TMEM38B: variants seen among roughly 807,000 people sequenced by gnomAD.
TMEM38B encodes the protein trimeric intracellular cation channel type B.
TMEM38B carries 24 observed loss-of-function variants against 28.7 expected under a neutral mutation model. The observed-to-expected ratio is 0.84, with a 90% CI of 0.61 to 1.18. The LOEUF (loss-of-function observed/expected upper bound fraction) is 1.18, where lower values mean the gene tolerates loss of function less well. Ranked by LOEUF, TMEM38B falls within the 50% of genes most tolerant of loss-of-function variation. The probability of loss-of-function intolerance (pLI) is 0.00; values close to 1 mark genes in which losing one functional copy is unlikely to be tolerated. For missense variants in TMEM38B, 380 were observed against 350.9 expected, an observed-to-expected ratio of 1.08 and a Z score of -0.66; for synonymous variants, 131 against 127.7, an observed-to-expected ratio of 1.03 and a Z score of -0.17.
intron 5 of TMEM38B, among the ~76,000 whole-genome samples, chr9:105,753,231 G>A (rs1267548364): frequency 6.6e-6 from 1 of 152,142 alleles, no homozygotes; most frequent in African/African-American, 2.4e-5. Context: ...GAACCAAGTT[G>A]GAAAACATAC....
In TMEM38B at chr9:105,749,923, C is replaced by T. The variant is rs1013392057; in HGVS notation, c.660+1733C>T. 5.3e-5 allele frequency among the ~76,000 whole-genome samples: 8 copies of T among 152,218 alleles called. No individual in the cohort carries two copies. In the East Asian group the frequency reaches 1.4e-3, roughly 26 times the overall value. The stretch of plus-strand genomic sequence containing the variant: ...TAGGCCATATGTTAATTCTGTTTAT[C>T]CTTTTGAGGAACTGATGCATTGTTT... On this transcript the variant is annotated intron_variant, in intron 5 of 5. Transcript: ENST00000374692.
At chr9:105,760,559 A>C in intron 5 of TMEM38B, 1 of 742,952 alleles carries the variant, frequency 1.3e-6, no homozygotes, top group Non-Finnish European at 2.4e-6. Flanking sequence ...CTTATAGAAA[A>C]TGTTATTAAA....
chr9:105,771,106 A>T (rs1404936909), intron 5 of TMEM38B, among the ~76,000 whole-genome samples: 1 of 152,164 alleles, frequency 6.6e-6, no homozygotes, highest in East Asian at 1.9e-4. Context: ...ATGCCAAAAT[A>T]TTTTTAGGGC....
At chr9:105,731,124 T>C (rs1290440130) in intron 4 of TMEM38B, among the ~76,000 whole-genome samples, 1 of 152,056 alleles carries the variant, frequency 6.6e-6, no homozygotes, top group African/African-American at 2.4e-5. Flanking sequence ...ATGTGTTTGC[T>C]CTTGCTTCTC....
At chr9:105,761,770 A>C (rs1460634446) in intron 5 of TMEM38B, among the ~76,000 whole-genome samples, 1 of 152,164 alleles carries the variant, frequency 6.6e-6, no homozygotes, top group African/African-American at 2.4e-5. Flanking sequence ...TTAAATCTGA[A>C]TTTTAGGGAT....
chr9:105,733,450 CT>C (rs1836851082), intron 4 of TMEM38B, among the ~76,000 whole-genome samples: 1 of 120,744 alleles, frequency 8.3e-6, no homozygotes, highest in South Asian at 2.5e-4. Context: ...GTGTCTTTGT[CT>C]GTATTAGGCA....
chr9:105,706,463 A>T (rs976045487), intron 2 of TMEM38B, among the ~76,000 whole-genome samples: 6 of 152,368 alleles, frequency 3.9e-5, no homozygotes, highest in Non-Finnish European at 8.8e-5. Flanking sequence ...ACCTCCAAAA[A>T]GCTGGGCCTT....
At chr9:105,701,803 A>C (rs917724049) in intron 1 of TMEM38B, among the ~76,000 whole-genome samples, 1 of 152,242 alleles carries the variant, frequency 6.6e-6, no homozygotes, top group African/African-American at 2.4e-5. Context: ...GCCATAAATC[A>C]GAGAATCTAT....
At chr9:105,723,885 A>C (rs1836417016) in intron 4 of TMEM38B, among the ~76,000 whole-genome samples, 1 of 151,474 alleles carries the variant, frequency 6.6e-6, no homozygotes. Context: ...CCCAGACCAG[A>C]GTGCAATGGT....
Position 105,741,523 on chromosome 9 carries a change from C to T in TMEM38B, c.543-6550C>T, listed in dbSNP as rs185573566. Among the ~76,000 whole-genome samples, 1,364 of 152,098 alleles carry T rather than the reference C, an allele frequency of 9.0e-3. 21 individuals carry two copies. The highest frequency in any genetic ancestry group is 0.012 in the Non-Finnish European group (840 of 68,004). ...TTGTTAAAGGTGCTGGTGAAGACTT[C>T]GAAGGAAATAAGGAACATGATATTG... On this transcript the variant is annotated intron_variant, in intron 4 of 5. Coordinates refer to ENST00000374692, the MANE Select transcript of TMEM38B (RefSeq NM_018112.3).
chr9:105,758,701 A>G, intron 5 of TMEM38B: 1 of 742,158 alleles, frequency 1.3e-6, no homozygotes, highest in East Asian at 2.5e-5. Flanking sequence ...AGAAAAAACA[A>G]CATAGAGAAC....
At position 105,739,990 on chromosome 9, in the gene TMEM38B, C is replaced by A. The variant is rs530648836; in HGVS notation, c.543-8083C>A. ...CTCTGCCTTCCGGGTTCAAGTGATT[C>A]TCCTGCCTCAGCCTCCCGAGTAGCT... On this transcript the variant is annotated intron_variant, in intron 4 of 5. Coordinates refer to ENST00000374692, the MANE Select transcript of TMEM38B (RefSeq NM_018112.3). Among the ~76,000 whole-genome samples the A allele has an allele frequency of 1.2e-4, 18 of 152,058 alleles. No individual in the cohort carries two copies. The East Asian group carries it at 3.3e-3, about 28-fold the overall frequency.
rs1346531661 is a variant in TMEM38B, at chr9:105,758,966, A to G, written c.660+10776A>G. ...CCCTAGAAGAAGTCATAAATCCAAA[A>G]CAAGTAATTCCCCAATATATAATGT... is the stretch of plus-strand genomic sequence containing the variant. On this transcript the variant is annotated intron_variant, in intron 5 of 5. Coordinates refer to ENST00000374692, the MANE Select transcript of TMEM38B (RefSeq NM_018112.3). 1.7e-5 allele frequency: 23 copies of G among 1,337,092 alleles called. No individual in the cohort carries two copies. In the East Asian group the frequency reaches 1.8e-4, roughly 11 times the overall value. 82.8% of individuals were successfully genotyped at this position (1,337,092 alleles called of 1,614,324 possible).
intron 4 of TMEM38B, among the ~76,000 whole-genome samples, chr9:105,738,755 G>C (rs12340465): frequency 8.0e-6 from 1 of 124,492 alleles, no homozygotes; most frequent in Non-Finnish European, 1.6e-5. Context: ...GTCTCACTCC[G>C]TCGCCCAGGC....
intron 4 of TMEM38B, among the ~76,000 whole-genome samples, chr9:105,736,640 G>A (rs1836992598): frequency 6.6e-6 from 1 of 152,088 alleles, no homozygotes; most frequent in African/African-American, 2.4e-5. Flanking sequence ...GAATTACTGT[G>A]TTTCTTTTGT....
At chr9:105,756,248 A>G (rs1837828397) in intron 5 of TMEM38B, among the ~76,000 whole-genome samples, 1 of 152,190 alleles carries the variant, frequency 6.6e-6, no homozygotes, top group Non-Finnish European at 1.5e-5. Flanking sequence ...TTTACTCTTT[A>G]CTTTTCAATC....
chr9:105,763,029 T>C (rs1838121688), intron 5 of TMEM38B, among the ~76,000 whole-genome samples: 2 of 148,246 alleles, frequency 1.3e-5, no homozygotes, highest in Admixed American at 6.7e-5. Context: ...CATTTTTTCA[T>C]GTGTTTTTTG....
chr9:105,746,083 T>G (rs1014989206), intron 4 of TMEM38B, among the ~76,000 whole-genome samples: 13 of 152,238 alleles, frequency 8.5e-5, no homozygotes, highest in African/African-American at 3.1e-4. Context: ...TGTTTACATA[T>G]GAACTTTAAA....
intron 4 of TMEM38B, among the ~76,000 whole-genome samples, chr9:105,724,368 C>G (rs7871299): frequency 2.4e-4 from 36 of 151,868 alleles, no homozygotes; most frequent in Non-Finnish European, 4.3e-4. Context: ...GGCACGGTGG[C>G]GTATGCCTGT....
Sources: gnomAD v4.1 joint callset for allele counts (sites outside exome capture counted in the v4.1 genomes callset) on GRCh38, gnomAD v4.1.1 for gene constraint, MANE v1.5 for transcripts, NCBI Gene and HGNC (gene_info 2026-07-23, HGNC 2026-07-21) for gene names.